The following SERPINB7 variants were observed in gnomAD, a reference collection of about 807,000 sequenced individuals.
SERPINB7 encodes serpin family B member 7.
A neutral mutation model predicts 37.4 loss-of-function variants in SERPINB7; 31 were observed. That is an observed-to-expected ratio of 0.83 (90% CI 0.62 to 1.12). The LOEUF is 1.12. Among genes scored for constraint, SERPINB7 ranks in the 50% most tolerant of loss-of-function variants. The pLI, the probability that SERPINB7 is intolerant of heterozygous loss-of-function variation, is 0.00. For missense variants in SERPINB7, 521 were observed against 455.3 expected (o/e 1.14, Z -1.31); for synonymous variants, 163 against 166.1 (o/e 0.98, Z 0.14).
chr18:63,794,160 CTA>C (rs2049460605), intron 4 of SERPINB7, among the ~76,000 whole-genome samples: 2 of 116,634 alleles, frequency 1.7e-5, no homozygotes, highest in Non-Finnish European at 3.3e-5. Context: ...CGGGGATTTG[CTA>C]TGTTGGCCTG....
At chr18:63,799,536 G>A (rs549638737) in intron 6 of SERPINB7, among the ~76,000 whole-genome samples, 3 of 152,326 alleles carry the variant, frequency 2.0e-5, no homozygotes, top group Admixed American at 6.5e-5. Flanking sequence ...AGCTTGTAAT[G>A]TAATATGCTG....
intron 1 of SERPINB7, among the ~76,000 whole-genome samples, chr18:63,761,203 G>A (rs192142625): frequency 4.8e-4 from 73 of 152,324 alleles, no homozygotes; most frequent in African/African-American, 1.6e-3. Flanking sequence ...GTGAGACCTG[G>A]AGGCAAAGGA....
At chr18:63,785,626 G>A (rs1475061346) in intron 2 of SERPINB7, among the ~76,000 whole-genome samples, 1 of 151,890 alleles carries the variant, frequency 6.6e-6, no homozygotes, top group Non-Finnish European at 1.5e-5. Context: ...TGCAGTTGAA[G>A]TGCCATGAAG....
chr18:63,792,628 C>T (rs1415882039), intron 3 of SERPINB7, among the ~76,000 whole-genome samples, 185 bp downstream of exon 3: 1 of 152,056 alleles, frequency 6.6e-6, no homozygotes, highest in African/African-American at 2.4e-5. Context: ...TTTATAATCC[C>T]AGCTACTTGG....
intron 1 of SERPINB7, among the ~76,000 whole-genome samples, chr18:63,761,743 T>C (rs979837041): frequency 2.6e-5 from 4 of 152,216 alleles, no homozygotes; most frequent in Non-Finnish European, 5.9e-5. Flanking sequence ...CTTCCTCATT[T>C]TCTCTTGCTG....
chr18:63,784,596 C>G (rs964038614), intron 2 of SERPINB7, among the ~76,000 whole-genome samples: 5 of 151,950 alleles, frequency 3.3e-5, no homozygotes, highest in African/African-American at 1.2e-4. Flanking sequence ...GTTTCAGAAC[C>G]AAGTGAGATG....
intron 3 of SERPINB7, 50 bp from the exon 4 acceptor site, chr18:63,793,111 C>A: frequency 1.1e-6 from 1 of 928,874 alleles, no homozygotes; most frequent in Non-Finnish European, 1.7e-6. Flanking sequence ...TGAGATTATG[C>A]ATATCTTTGC....
At chr18:63,757,394 AAG>A (rs1347473840) in intron 1 of SERPINB7, among the ~76,000 whole-genome samples, 2 of 152,196 alleles carry the variant, frequency 1.3e-5, no homozygotes, top group African/African-American at 4.8e-5. Flanking sequence ...TGTGAAAATC[AAG>A]AGAGATGCTA....
intron 2 of SERPINB7, among the ~76,000 whole-genome samples, chr18:63,791,619 A>T (rs939845771): frequency 6.0e-5 from 9 of 150,788 alleles, no homozygotes; most frequent in South Asian, 2.1e-4. Context: ...TTTTATTTTT[A>T]TTTTTTTTTG....
chr18:63,766,066 AG>A (rs1415579881), intron 1 of SERPINB7, among the ~76,000 whole-genome samples: 11 of 152,126 alleles, frequency 7.2e-5, no homozygotes, highest in African/African-American at 2.4e-4. Context: ...AGGGAAGAGC[AG>A]TGAAGAGCAT....
At chr18:63,767,296 G>C (rs1270006316) in intron 1 of SERPINB7, among the ~76,000 whole-genome samples, 2 of 152,134 alleles carry the variant, frequency 1.3e-5, no homozygotes, top group Non-Finnish European at 2.9e-5. Context: ...ACTCAATTCA[G>C]AGTTCTGGGG....
At chr18:63,781,559 T>C (rs1034753896) in intron 1 of SERPINB7, among the ~76,000 whole-genome samples, 3 of 152,220 alleles carry the variant, frequency 2.0e-5, no homozygotes, top group Non-Finnish European at 4.4e-5. Flanking sequence ...CAATTTGAGT[T>C]GAGGAGAAAT....
At chr18:63,778,944 C>G (rs2049276237) in intron 1 of SERPINB7, among the ~76,000 whole-genome samples, 1 of 152,014 alleles carries the variant, frequency 6.6e-6, no homozygotes, top group Non-Finnish European at 1.5e-5. Context: ...AATATTTATG[C>G]AAGAAACATA....
intron 2 of SERPINB7, among the ~76,000 whole-genome samples, chr18:63,786,329 C>A (rs915166043): frequency 6.7e-6 from 1 of 148,728 alleles, no homozygotes; most frequent in Non-Finnish European, 1.5e-5. Context: ...TGTATGAGAG[C>A]CATATGTTTG....
At chr18:63,773,606 G>C (rs183511494), upstream of SERPINB7, among the ~76,000 whole-genome samples, 1 of 152,054 alleles carries the variant, frequency 6.6e-6, no homozygotes. Flanking sequence ...CTTCAGCCCT[G>C]GGTAAGTGAG....
At chr18:63,753,452 G>A (rs187962990) in intron 1 of SERPINB7, among the ~76,000 whole-genome samples, 65 of 152,110 alleles carry the variant, frequency 4.3e-4, no homozygotes, top group Middle Eastern at 3.4e-3. Context: ...GCCTACTGAC[G>A]GCTGAATAGA....
chr18:63,771,906 G>A (rs895592376), upstream of SERPINB7, among the ~76,000 whole-genome samples: 2 of 150,180 alleles, frequency 1.3e-5, no homozygotes, highest in Non-Finnish European at 3.0e-5. Context: ...AGGCTTCATG[G>A]TTCAAAAAGG....
intron 1 of SERPINB7, among the ~76,000 whole-genome samples, chr18:63,767,184 A>C (rs1435254143): frequency 2.0e-5 from 3 of 152,130 alleles, no homozygotes; most frequent in Non-Finnish European, 2.9e-5. Context: ...AAATATGCAG[A>C]GATTTCTCAC....
rs766813551 is a variant in SERPINB7 at position 63,782,370 on chromosome 18, G to T, written c.-3G>T. 3 of 1,607,978 alleles carry T rather than the reference G, an allele frequency of 1.9e-6. No individual in the cohort carries two copies. The highest frequency in any genetic ancestry group is 2.5e-6 in the Non-Finnish European group (3 of 1,176,486). On this transcript the variant is annotated 5_prime_UTR_variant, in exon 2 of 8. Coordinates refer to ENST00000398019, the MANE Select transcript of SERPINB7 (RefSeq NM_003784.4). ...TGTCCTCTAGGCTGCACTCCATTTT[G>T]CAATGGCCTCCCTTGCTGCAGCAAA...
Sources: gnomAD v4.1 joint callset for allele counts (sites outside exome capture counted in the v4.1 genomes callset) on GRCh38, gnomAD v4.1.1 for gene constraint, MANE v1.5 for transcripts, NCBI Gene and HGNC (gene_info 2026-07-23, HGNC 2026-07-21) for gene names.